The following ZNF804B variants were observed in gnomAD, a reference collection of about 807,000 sequenced individuals.
The protein encoded by ZNF804B is zinc finger 804B.
Under a neutral mutation model 101.4 loss-of-function variants are expected in ZNF804B, and 80 were observed. The observed-to-expected ratio is 0.79, with a 90% CI of 0.66 to 0.95. The LOEUF (loss-of-function observed/expected upper bound fraction) is 0.95. ZNF804B is among the 40% of genes least tolerant of loss of function. The pLI, the probability that ZNF804B is intolerant of heterozygous loss-of-function variation, is 0.00. For synonymous variants in ZNF804B, 622 were observed against 558.8 expected (o/e 1.11, Z -1.59); for missense variants, 1,673 against 1,561.9 (o/e 1.07, Z -1.20).
Position 89,026,792 on chromosome 7 carries a change from T to C in ZNF804B, c.109-191363T>C, listed in dbSNP as rs914662945. ...AGAAGCCTGTAATAAAAGATAGAAG[T>C]TCCAATTTAGACACGATGATTTTAA... is the stretch of plus-strand genomic sequence containing the variant. On this transcript the variant is annotated intron_variant, in intron 1 of 3. Transcript: ENST00000333190. Among the ~76,000 whole-genome samples, 8 of 152,106 alleles carry C rather than the reference T, an allele frequency of 5.3e-5. No individual in the cohort carries two copies. The East Asian group carries it at 1.5e-3, about 29-fold the overall frequency.
At chr7:88,794,050 T>G in intron 1 of ZNF804B, 3 of 662,922 alleles carry the variant, frequency 4.5e-6, no homozygotes, top group Non-Finnish European at 7.2e-6. Flanking sequence ...TCTATAAAGA[T>G]TAATATATTA....
In ZNF804B at chr7:89,076,150, G is replaced by A. The variant is rs114830196; in HGVS notation, c.109-142005G>A. On this transcript the variant is annotated intron_variant, in intron 1 of 3. Transcript: ENST00000333190. ...AAATGAGTTAAGACTTTGAGAAACCGTTGGGAAGGCATGATTGGTTTTGAA... is the reference window on the plus strand; with the variant it reads ...AAATGAGTTAAGACTTTGAGAAACCATTGGGAAGGCATGATTGGTTTTGAA... Among the ~76,000 whole-genome samples the A allele has an allele frequency of 2.9e-3, 434 of 152,260 alleles. 1 individual carries two copies. The highest frequency in any genetic ancestry group is 9.9e-3 in the African/African-American group (412 of 41,550).
intron 1 of ZNF804B, among the ~76,000 whole-genome samples, chr7:89,200,466 A>G (rs1036311601): frequency 6.6e-6 from 1 of 152,002 alleles, no homozygotes; most frequent in African/African-American, 2.4e-5. Flanking sequence ...AGACTCCTGA[A>G]AAATGTCTCA....
At chr7:88,803,577 A>C (rs1293176372) in intron 1 of ZNF804B, among the ~76,000 whole-genome samples, 3 of 152,156 alleles carry the variant, frequency 2.0e-5, no homozygotes, top group Non-Finnish European at 4.4e-5. Flanking sequence ...TTAGGAATGC[A>C]AGGATTTAGA....
intron 1 of ZNF804B, among the ~76,000 whole-genome samples, chr7:89,066,845 C>T (rs1789462314): frequency 6.6e-6 from 1 of 151,920 alleles, no homozygotes; most frequent in Admixed American, 6.6e-5. Flanking sequence ...TCACCGCAAC[C>T]TCCGCCTCCT....
rs910255717 is a variant in ZNF804B, at chr7:88,888,355, G to A, written c.108+128271G>A. Among the ~76,000 whole-genome samples the A allele has an allele frequency of 3.9e-5, 6 of 152,224 alleles. 1 individual carries two copies. In the South Asian group the frequency reaches 6.2e-4, roughly 16 times the overall value. Reference sequence around the variant, plus strand: ...TGCAGTGAGCCGAGACCATGGCACCGCACTCCAGCCTGGGCGACAGAGGGA... The same window carrying A: ...TGCAGTGAGCCGAGACCATGGCACCACACTCCAGCCTGGGCGACAGAGGGA... On this transcript the variant is annotated intron_variant, in intron 1 of 3. Transcript: ENST00000333190.
intron 1 of ZNF804B, among the ~76,000 whole-genome samples, chr7:88,804,655 A>G (rs921139548): frequency 3.9e-5 from 6 of 152,166 alleles, no homozygotes; most frequent in African/African-American, 1.4e-4. Flanking sequence ...CTTTACACAT[A>G]CAAATTTTAT....
intron 1 of ZNF804B, among the ~76,000 whole-genome samples, chr7:88,947,867 G>A (rs1452905350): frequency 6.6e-6 from 1 of 151,798 alleles, no homozygotes; most frequent in African/African-American, 2.4e-5. Flanking sequence ...AAGCATCTGT[G>A]GATTTTGGTA....
At chr7:89,142,515 T>A (rs1340614341) in intron 1 of ZNF804B, among the ~76,000 whole-genome samples, 1 of 152,060 alleles carries the variant, frequency 6.6e-6, no homozygotes, top group African/African-American at 2.4e-5. Context: ...TCCATTGCTT[T>A]GATTGTGCTT....
chr7:89,157,634 G>T (rs1402217044), intron 1 of ZNF804B, among the ~76,000 whole-genome samples: 1 of 152,132 alleles, frequency 6.6e-6, no homozygotes, highest in Non-Finnish European at 1.5e-5. Flanking sequence ...GTTTTGAAAA[G>T]CCAGTCCAAA....
chr7:88,769,114 A>G (rs1790027133), intron 1 of ZNF804B, among the ~76,000 whole-genome samples: 1 of 152,206 alleles, frequency 6.6e-6, no homozygotes, highest in Non-Finnish European at 1.5e-5. Context: ...AAAACTTCCA[A>G]CAAGTTTTAT....
Position 89,334,891 on chromosome 7 carries a change from C to T in ZNF804B, c.1909C>T (p.His637Tyr), listed in dbSNP as rs1216848134. The stretch of plus-strand genomic sequence containing the variant: ...TTCCTACATCTCTAGGTTTAAAAAG[C>T]ATAAATTGATTCCCTGCAGTCCTCA... ...FPSYISRFKK[H>Y]KLIPCSPHLE... Residue 637 changes from histidine to tyrosine, a missense_variant, in exon 4 of 4, where the codon CAT (histidine) becomes TAT (tyrosine). By Grantham distance (83) the His-to-Tyr change is moderately conservative. Transcript: ENST00000333190. 2 of 1,613,746 alleles carry T rather than the reference C, an allele frequency of 1.2e-6. No homozygotes were observed. Among genetic ancestry groups the T allele is most frequent in the Non-Finnish European group, 1.7e-6 (2 of 1,179,862 alleles).
At chr7:88,809,931 T>A (rs1054762401) in intron 1 of ZNF804B, among the ~76,000 whole-genome samples, 2 of 152,186 alleles carry the variant, frequency 1.3e-5, no homozygotes, top group Non-Finnish European at 1.5e-5. Flanking sequence ...ACCTGAGAAA[T>A]TGCTCTCATG....
intron 1 of ZNF804B, among the ~76,000 whole-genome samples, chr7:89,062,850 TA>T (rs1789400297): frequency 6.6e-6 from 1 of 152,170 alleles, no homozygotes; most frequent in African/African-American, 2.4e-5. Context: ...TCTGATATTT[TA>T]AGGATCCACT....
intron 1 of ZNF804B, among the ~76,000 whole-genome samples, chr7:88,992,050 T>C: frequency 6.6e-6 from 1 of 152,138 alleles, no homozygotes; most frequent in Admixed American, 6.6e-5. Context: ...CTATATCAGC[T>C]CTTTCTTCTT....
chr7:88,869,022 A>G (rs1440021290), intron 1 of ZNF804B, among the ~76,000 whole-genome samples: 1 of 152,194 alleles, frequency 6.6e-6, no homozygotes, highest in Non-Finnish European at 1.5e-5. Context: ...AGTGAGAAGA[A>G]TCACCTATTG....
chr7:89,210,306 T>C (rs569543805), intron 1 of ZNF804B, among the ~76,000 whole-genome samples: 5 of 152,236 alleles, frequency 3.3e-5, no homozygotes, highest in African/African-American at 1.2e-4. Flanking sequence ...AAAACCCTAA[T>C]TATGCAAAGA....
chr7:89,311,315 G>A (rs1464168346), intron 2 of ZNF804B, among the ~76,000 whole-genome samples: 2 of 152,110 alleles, frequency 1.3e-5, no homozygotes, highest in Non-Finnish European at 2.9e-5. Flanking sequence ...GAGAATATAC[G>A]TAACATTCAA....
chr7:88,906,730 A>G (rs549082688), intron 1 of ZNF804B, among the ~76,000 whole-genome samples: 9 of 152,122 alleles, frequency 5.9e-5, no homozygotes, highest in African/African-American at 1.4e-4. Context: ...GGAGTGTTCT[A>G]TAGGTGTCTA....
Sources: gnomAD v4.1 joint callset for allele counts (sites outside exome capture counted in the v4.1 genomes callset) on GRCh38, gnomAD v4.1.1 for gene constraint, MANE v1.5 for transcripts, NCBI Gene and HGNC (gene_info 2026-07-23, HGNC 2026-07-21) for gene names.